TRPM3: variants seen among roughly 807,000 people sequenced by gnomAD.
TRPM3 encodes transient receptor potential cation channel subfamily M member 3, also known as long transient receptor potential channel 3.
A neutral mutation model predicts 181.2 loss-of-function variants in TRPM3; 77 were observed. The observed-to-expected ratio is 0.42, with a 90% CI of 0.35 to 0.51. TRPM3 has a LOEUF of 0.51. Ranked by LOEUF, TRPM3 falls within the 20% of genes least tolerant of loss-of-function variation. TRPM3 has a pLI of 0.01. For missense variants in TRPM3, 1,759 were observed against 2,196.7 expected, an observed-to-expected ratio of 0.80 and a Z score of 3.98; for synonymous variants, 745 against 796.4, an observed-to-expected ratio of 0.94 and a Z score of 1.09.
chr9:70,889,147 C>T (rs575149856), intron 1 of TRPM3, among the ~76,000 whole-genome samples: 12 of 152,168 alleles, frequency 7.9e-5, no homozygotes, highest in African/African-American at 2.9e-4. Context: ...AATAAAGGCA[C>T]CAGGTATTTT....
intron 3 of TRPM3, 81 bp from the exon 4 acceptor site, chr9:70,846,672 G>C (rs1449974828): frequency 8.9e-7 from 1 of 1,126,500 alleles, no homozygotes; most frequent in East Asian, 2.4e-5. Context: ...GCAATTATAT[G>C]TGTAGTTATG....
At chr9:70,618,305 C>T (rs572243503) in intron 17 of TRPM3, among the ~76,000 whole-genome samples, 1 of 152,306 alleles carries the variant, frequency 6.6e-6, no homozygotes, top group Admixed American at 6.5e-5. Flanking sequence ...TATACATAGA[C>T]ACATTAAAAA....
intron 1 of TRPM3, among the ~76,000 whole-genome samples, chr9:71,053,842 C>T (rs1344208308): frequency 1.3e-5 from 2 of 152,064 alleles, no homozygotes; most frequent in Non-Finnish European, 2.9e-5. Flanking sequence ...ATCATTAATA[C>T]ATATTACTGG....
intron 1 of TRPM3, among the ~76,000 whole-genome samples, chr9:71,001,257 C>G (rs1246703632): frequency 1.3e-5 from 2 of 152,178 alleles, no homozygotes; most frequent in African/African-American, 4.8e-5. Context: ...CGTAAGCCCA[C>G]ATGGGGCTCA....
intron 1 of TRPM3, among the ~76,000 whole-genome samples, chr9:71,337,958 G>A (rs2090677712): frequency 6.6e-6 from 1 of 152,034 alleles, no homozygotes; most frequent in Non-Finnish European, 1.5e-5. Context: ...GGGAGGGAGA[G>A]CATTAGGAGA....
At chr9:71,190,417 T>C (rs2077944926) in intron 1 of TRPM3, among the ~76,000 whole-genome samples, 1 of 151,922 alleles carries the variant, frequency 6.6e-6, no homozygotes, top group East Asian at 1.9e-4. Context: ...CCAAACATCA[T>C]ATTAAAACTT....
intron 1 of TRPM3, among the ~76,000 whole-genome samples, chr9:71,130,814 A>G (rs1463498382): frequency 6.6e-6 from 1 of 152,204 alleles, no homozygotes; most frequent in African/African-American, 2.4e-5. Context: ...AGAAAGAATT[A>G]TAATGTTCTG....
At chr9:71,036,938 A>G (rs2058278479) in intron 1 of TRPM3, among the ~76,000 whole-genome samples, 1 of 152,170 alleles carries the variant, frequency 6.6e-6, no homozygotes, top group South Asian at 2.1e-4. Flanking sequence ...ACCCACTACA[A>G]CATGATTGTA....
In TRPM3 at chr9:70,542,267, G is replaced by A. The variant is rs1346906627; in HGVS notation, c.3708-4862C>T. Among the ~76,000 whole-genome samples, 7 of 152,212 alleles carry A rather than the reference G, an allele frequency of 4.6e-5. No homozygotes were observed. The East Asian group carries it at 1.3e-3, about 29-fold the overall frequency. On this transcript the variant is annotated intron_variant, in intron 25 of 25. Coordinates refer to ENST00000677713, the MANE Select transcript of TRPM3 (RefSeq NM_001366145.2). ...GTGGGATAAAAATGGAGATATATAT[G>A]GATGATAAAAAATTTATGGATAATT...
At position 70,628,134 on chromosome 9, in the gene TRPM3, T is replaced by C. The variant is rs1428200430; in HGVS notation, c.1633-2617A>G. Among the ~76,000 whole-genome samples, 3 of 152,360 alleles carry C rather than the reference T, an allele frequency of 2.0e-5. No homozygotes were observed. The East Asian group carries it at 5.8e-4, about 29-fold the overall frequency. ...GGCCACAGTTTCTGTATCCTTTGGC[T>C]TTCCTGGACTGTTAGGCGAGGCTGT... On this transcript the variant is annotated intron_variant, in intron 12 of 25. Transcript: ENST00000677713.
At chr9:71,122,979 A>T (rs531813505), upstream of TRPM3, among the ~76,000 whole-genome samples, 1 of 152,228 alleles carries the variant, frequency 6.6e-6, no homozygotes, top group Admixed American at 6.5e-5. Flanking sequence ...AGCACAATGC[A>T]TTGCATAGGT....
chr9:70,793,723 C>T (rs2086251642), intron 6 of TRPM3: 1 of 456,648 alleles, frequency 2.2e-6, no homozygotes, highest in African/African-American at 2.0e-5. Context: ...TCAAGACAGT[C>T]CCTCACTTAG....
At chr9:71,367,585 A>G (rs2092376435) in intron 1 of TRPM3, among the ~76,000 whole-genome samples, 1 of 152,184 alleles carries the variant, frequency 6.6e-6, no homozygotes, top group Admixed American at 6.5e-5. Context: ...TTATGATTTC[A>G]CCATTTAGTA....
At chr9:71,114,732 G>T (rs1439517362) in intron 1 of TRPM3, among the ~76,000 whole-genome samples, 1 of 152,138 alleles carries the variant, frequency 6.6e-6, no homozygotes, top group Non-Finnish European at 1.5e-5. Flanking sequence ...GAATCTAAGG[G>T]ACATGCCCTT....
intron 1 of TRPM3, among the ~76,000 whole-genome samples, chr9:70,985,515 A>G (rs535363141): frequency 6.6e-6 from 1 of 152,342 alleles, no homozygotes; most frequent in East Asian, 1.9e-4. Context: ...GTCTGTATCA[A>G]CCAAGACATT....
intron 24 of TRPM3, among the ~76,000 whole-genome samples, chr9:70,552,603 ATCTC>A (rs1342508421): frequency 1.3e-5 from 2 of 152,190 alleles, no homozygotes; most frequent in Non-Finnish European, 2.9e-5. Context: ...GACTGATTGT[ATCTC>A]TCTAAGAAAG....
chr9:71,294,887 C>T (rs1462171284), intron 1 of TRPM3, among the ~76,000 whole-genome samples: 1 of 152,050 alleles, frequency 6.6e-6, no homozygotes, highest in African/African-American at 2.4e-5. Context: ...TAATATGATT[C>T]CATTTATATG....
intron 1 of TRPM3, among the ~76,000 whole-genome samples, chr9:71,020,839 CAT>C (rs2134500481): frequency 6.6e-6 from 1 of 152,268 alleles, no homozygotes; most frequent in South Asian, 2.1e-4. Context: ...TGAAAATTCT[CAT>C]AGTCTACAGT....
intron 1 of TRPM3, among the ~76,000 whole-genome samples, chr9:71,394,532 C>T (rs1288272304): frequency 6.6e-6 from 1 of 152,176 alleles, no homozygotes; most frequent in Non-Finnish European, 1.5e-5. Context: ...ATATGAAGGT[C>T]TTTTCCCTGC....
Sources: allele counts gnomAD v4.1 joint callset (sites outside exome capture counted in the v4.1 genomes callset), GRCh38; gene constraint gnomAD v4.1.1; transcripts MANE v1.5; gene names NCBI Gene and HGNC (gene_info 2026-07-23, HGNC 2026-07-21).